The following ALDH1A1 variants were observed in gnomAD, a reference collection of about 807,000 sequenced individuals.
The protein encoded by ALDH1A1 is aldehyde dehydrogenase 1A1.
A neutral mutation model predicts 62.1 loss-of-function variants in ALDH1A1; 19 were observed. The observed-to-expected ratio is 0.31, with a 90% confidence interval of 0.21 to 0.45. ALDH1A1 has a LOEUF of 0.45. Ranked by LOEUF, ALDH1A1 falls within the 20% of genes least tolerant of loss-of-function variation. The pLI is 1.00. For missense variants in ALDH1A1, 521 were observed against 607.1 expected, an observed-to-expected ratio of 0.86 and a Z score of 1.49; for synonymous variants, 231 against 215.9, an observed-to-expected ratio of 1.07 and a Z score of -0.61.
intron 9 of ALDH1A1, among the ~76,000 whole-genome samples, chr9:72,914,650 T>C (rs759892525): frequency 6.6e-6 from 1 of 152,044 alleles, no homozygotes; most frequent in Non-Finnish European, 1.5e-5. Context: ...AATATATATT[T>C]TTTCTATAAA....
intron 5 of ALDH1A1, 136 bp from the exon 6 acceptor site, chr9:72,925,748 C>A: frequency 2.0e-6 from 2 of 990,758 alleles, no homozygotes; most frequent in Non-Finnish European, 2.8e-6. Context: ...GCATATTATA[C>A]TTCATTGCTA....
At chr9:72,910,047 C>T (rs1829962942) in intron 10 of ALDH1A1, among the ~76,000 whole-genome samples, 1 of 152,106 alleles carries the variant, frequency 6.6e-6, no homozygotes, top group African/African-American at 2.4e-5. Context: ...GATTGTGCAA[C>T]AAATCATTAA....
intron 2 of ALDH1A1, 130 bp from the exon 3 acceptor site, chr9:72,931,149 A>T: frequency 1.0e-6 from 1 of 964,242 alleles, no homozygotes. Flanking sequence ...CCCAAAGTCT[A>T]ACACATTGCG....
intron 2 of ALDH1A1, among the ~76,000 whole-genome samples, chr9:72,937,443 CG>C (rs1434458101): frequency 3.9e-5 from 6 of 152,166 alleles, no homozygotes; most frequent in African/African-American, 1.4e-4. Flanking sequence ...GTATAAAACC[CG>C]GGCATGACTG....
At chr9:72,950,216 A>C (rs1425019623) in intron 1 of ALDH1A1, among the ~76,000 whole-genome samples, 1 of 151,878 alleles carries the variant, frequency 6.6e-6, no homozygotes, top group Non-Finnish European at 1.5e-5. Flanking sequence ...ACTTTCATCG[A>C]CCTTAGAAAA....
chr9:72,947,698 C>T (rs1034573990), intron 1 of ALDH1A1, among the ~76,000 whole-genome samples: 24 of 151,884 alleles, frequency 1.6e-4, no homozygotes, highest in African/African-American at 5.8e-4. Context: ...TGTGGGAAAG[C>T]ATCAGATCCA....
rs1189795716 is a variant in ALDH1A1, at chr9:72,906,051, G to T, written c.1359-19C>A. The T allele has an allele frequency of 1.3e-6, 2 of 1,596,716 alleles. No individual in the cohort carries two copies. Among genetic ancestry groups the T allele is most frequent in the Admixed American group, 3.4e-5 (2 of 58,926 alleles). On this transcript the variant is annotated intron_variant, in intron 11 of 12. Transcript: ENST00000297785. ...ATTCACCCTGAAGGAAAAGAAAAGTGCATTATAGACAATACTTAAGGTGTG... is the reference window on the plus strand; with the variant it reads ...ATTCACCCTGAAGGAAAAGAAAAGTTCATTATAGACAATACTTAAGGTGTG...
At chr9:72,921,219 G>A (rs1588136213) in intron 7 of ALDH1A1, among the ~76,000 whole-genome samples, 1 of 147,664 alleles carries the variant, frequency 6.8e-6, no homozygotes, top group South Asian at 2.1e-4. Flanking sequence ...TCCAGCCTGG[G>A]TGACAGTGCA....
intron 11 of ALDH1A1, among the ~76,000 whole-genome samples, chr9:72,909,154 G>GTTTT (rs1564623273): frequency 2.3e-5 from 2 of 87,776 alleles, no homozygotes; most frequent in African/African-American, 7.4e-5. Flanking sequence ...TTCCAATACA[G>GTTTT]CTTTTTTTTT....
chr9:72,940,073 A>G (rs1397383608), intron 2 of ALDH1A1, 75 bp downstream of exon 2: 4 of 1,085,988 alleles, frequency 3.7e-6, no homozygotes, highest in Non-Finnish European at 5.6e-6. Context: ...GGAGCTTGCA[A>G]TGGGGTTCAG....
intron 9 of ALDH1A1, among the ~76,000 whole-genome samples, chr9:72,915,187 G>A (rs988350332): frequency 3.3e-5 from 5 of 151,974 alleles, no homozygotes; most frequent in Admixed American, 3.3e-4. Flanking sequence ...TAGATCACTG[G>A]ATTATTTACT....
At chr9:72,914,804 T>A (rs1445733975) in intron 9 of ALDH1A1, among the ~76,000 whole-genome samples, 2 of 152,104 alleles carry the variant, frequency 1.3e-5, no homozygotes, top group Non-Finnish European at 1.5e-5. Flanking sequence ...TTTTAAACTT[T>A]AATTTTTTCC....
chr9:72,932,440 T>C (rs1418572582), intron 2 of ALDH1A1, among the ~76,000 whole-genome samples: 1 of 152,188 alleles, frequency 6.6e-6, no homozygotes, highest in Admixed American at 6.5e-5. Context: ...TTCTAGTATT[T>C]ATCACCAAAA....
chr9:72,933,598 A>C lies in ALDH1A1; in HGVS notation c.172-2579T>G, dbSNP rs1460594981. ...TAAGACCCTCATCTCAAAACAAAAAAAAAAAAAAAAAAAAAGAAAAAGCAA... is the reference window on the plus strand; with the variant it reads ...TAAGACCCTCATCTCAAAACAAAAACAAAAAAAAAAAAAAAGAAAAAGCAA... On this transcript the variant is annotated intron_variant, in intron 2 of 12. Coordinates refer to ENST00000297785, the MANE Select transcript of ALDH1A1 (RefSeq NM_000689.5). Among the ~76,000 whole-genome samples the C allele has an allele frequency of 1.6e-4, 17 of 103,726 alleles. No homozygotes were observed. In the South Asian group the frequency reaches 2.7e-3, roughly 17 times the overall value. The allele number at this position is 103,726 out of a possible 152,430, so 68.0% of individuals were successfully genotyped here.
intron 1 of ALDH1A1, among the ~76,000 whole-genome samples, chr9:72,943,198 A>G (rs760488410): frequency 6.6e-6 from 1 of 152,164 alleles, no homozygotes; most frequent in Non-Finnish European, 1.5e-5. Flanking sequence ...AAAATAAAAT[A>G]AAACAACATA....
intron 1 of ALDH1A1, among the ~76,000 whole-genome samples, chr9:72,949,062 A>G (rs1444997265): frequency 2.0e-5 from 3 of 151,848 alleles, no homozygotes; most frequent in African/African-American, 4.8e-5. Flanking sequence ...CAAAACCAGA[A>G]ATCTAGGAAA....
chr9:72,918,422 A>C (rs1254715120), intron 8 of ALDH1A1, among the ~76,000 whole-genome samples: 3 of 152,148 alleles, frequency 2.0e-5, no homozygotes, highest in Non-Finnish European at 4.4e-5. Flanking sequence ...CAGATATGGA[A>C]TTTAAAAAAT....
Position 72,916,944 on chromosome 9 carries a change from G to A in ALDH1A1, c.1011C>T (p.Thr337=). 1.2e-6 allele frequency: 2 copies of A among 1,611,258 alleles called. No homozygotes were observed. The highest frequency in any genetic ancestry group is 1.7e-6 in the Non-Finnish European group (2 of 1,178,504). ...CCTGAGGGCCTTGAGTGACTCCTGG[G>A]GTCAGAGGATTTCCAAGGATATACT... ...AKKYILGNPL[T]PGVTQGPQID... Residue 337 remains threonine, a synonymous_variant, in exon 9 of 13, where the codon ACC becomes ACT. Coordinates refer to ENST00000297785, the MANE Select transcript of ALDH1A1 (RefSeq NM_000689.5).
chr9:72,903,695 T>C (rs1381649276), intron 12 of ALDH1A1, among the ~76,000 whole-genome samples: 3 of 152,064 alleles, frequency 2.0e-5, no homozygotes, highest in African/African-American at 4.8e-5. Flanking sequence ...AAATTACTGA[T>C]GGTTGATTCC....
Sources: gnomAD v4.1 joint callset for allele counts (sites outside exome capture counted in the v4.1 genomes callset) on GRCh38, gnomAD v4.1.1 for gene constraint, MANE v1.5 for transcripts, NCBI Gene and HGNC (gene_info 2026-07-23, HGNC 2026-07-21) for gene names.